Variants in MAGI1 observed in about 807,000 individuals in gnomAD.
MAGI1 encodes membrane-associated guanylate kinase, WW and PDZ domain-containing protein 1.
In MAGI1, 58 loss-of-function variants were observed where a neutral mutation model predicts 139.9. The observed-to-expected ratio is 0.41, with a 90% CI of 0.34 to 0.52. The LOEUF (loss-of-function observed/expected upper bound fraction) is 0.52, where lower values mean the gene tolerates loss of function less well. MAGI1 is among the 20% of genes least tolerant of loss of function. MAGI1 has a pLI of 0.12. For synonymous variants in MAGI1, 812 were observed against 737.9 expected (o/e 1.10, Z -1.63); for missense variants, 1,874 against 1,901.6 (o/e 0.99, Z 0.27).
At chr3:65,603,809 T>C (rs1183939799) in intron 2 of MAGI1, among the ~76,000 whole-genome samples, 2 of 152,194 alleles carry the variant, frequency 1.3e-5, no homozygotes, top group African/African-American at 4.8e-5. Context: ...GCCTGGTCTC[T>C]CCTTCCAAGA....
At chr3:65,480,379 A>T (rs1328005920) in intron 3 of MAGI1, among the ~76,000 whole-genome samples, 1 of 151,890 alleles carries the variant, frequency 6.6e-6, no homozygotes, top group East Asian at 2.0e-4. Context: ...AAAAATATAC[A>T]AAAATTAGCC....
At chr3:65,529,962 T>C (rs2078565309) in intron 2 of MAGI1, among the ~76,000 whole-genome samples, 1 of 152,180 alleles carries the variant, frequency 6.6e-6, no homozygotes, top group South Asian at 2.1e-4. Flanking sequence ...CCTTCACATT[T>C]GGAATGTCTT....
At chr3:65,631,529 C>T (rs1474065183) in intron 1 of MAGI1, among the ~76,000 whole-genome samples, 8 of 152,174 alleles carry the variant, frequency 5.3e-5, no homozygotes, top group Non-Finnish European at 1.2e-4. Flanking sequence ...TGAACAAAAT[C>T]TATCTGTGTA....
chr3:65,519,440 C>T (rs1336248733), intron 2 of MAGI1, among the ~76,000 whole-genome samples: 1 of 151,894 alleles, frequency 6.6e-6, no homozygotes, highest in Non-Finnish European at 1.5e-5. Context: ...GGCTAGAGTG[C>T]AGTGGTGCGA....
At chr3:65,974,128 A>T (rs2065139178) in intron 1 of MAGI1, among the ~76,000 whole-genome samples, 1 of 152,060 alleles carries the variant, frequency 6.6e-6, no homozygotes, top group African/African-American at 2.4e-5. Flanking sequence ...TAATACTATG[A>T]AAGTAACAAA....
chr3:65,355,488 GCA>G lies in MAGI1; in HGVS notation c.*888_*889del, dbSNP rs1438587722. ...GGATCTTACGTCTTCCTCACACCAGGCACACTGTCCCCCCATTCCATCTACTA... is the reference window on the plus strand; with the variant it reads ...GGATCTTACGTCTTCCTCACACCAGGCACTGTCCCCCCATTCCATCTACTA... On this transcript the variant is annotated 3_prime_UTR_variant, in exon 23 of 23. Transcript: ENST00000402939. The G allele has an allele frequency of 1.3e-5, 2 of 152,252 alleles. No individual in the cohort carries two copies. Among genetic ancestry groups the G allele is most frequent in the Non-Finnish European group, 2.9e-5 (2 of 68,060 alleles). The allele number at this position is 152,252 out of a possible 1,614,324, so 9.4% of individuals were successfully genotyped here. A position where few individuals can be genotyped will look rare whatever the true frequency, so the allele number is the denominator to read the frequency against.
rs542264663 is a variant in MAGI1 at position 65,925,889 on chromosome 3, G to A, written c.313+112107C>T. On this transcript the variant is annotated intron_variant, in intron 1 of 22. Transcript: ENST00000402939. ...GAGACAGTTTCACCATATTGCCCAG[G>A]CTGGTCTTGAACTCCTAGGTTAAAG... Among the ~76,000 whole-genome samples, 9 of 152,204 alleles carry A rather than the reference G, an allele frequency of 5.9e-5. 1 individual carries two copies. In the South Asian group the frequency reaches 1.7e-3, roughly 28 times the overall value.
intron 2 of MAGI1, among the ~76,000 whole-genome samples, chr3:65,578,745 C>T (rs1348723680): frequency 6.6e-6 from 1 of 152,084 alleles, no homozygotes; most frequent in Non-Finnish European, 1.5e-5. Flanking sequence ...TATGGTGAAA[C>T]CCCATCTCTA....
chr3:65,635,044 G>A (rs1213023280), intron 1 of MAGI1, among the ~76,000 whole-genome samples: 3 of 152,002 alleles, frequency 2.0e-5, no homozygotes, highest in African/African-American at 7.3e-5. Context: ...TTCAACACTA[G>A]CGTGGGTTTG....
intron 18 of MAGI1, chr3:65,365,234 A>G: frequency 1.7e-6 from 1 of 597,132 alleles, no homozygotes; most frequent in Non-Finnish European, 3.2e-6. Context: ...GCCAAGGTAT[A>G]TGTTTCTCAC....
chr3:65,534,767 C>T (rs1269689813), intron 2 of MAGI1, among the ~76,000 whole-genome samples: 1 of 152,186 alleles, frequency 6.6e-6, no homozygotes, highest in Non-Finnish European at 1.5e-5. Flanking sequence ...TGGCTGCCTC[C>T]AAATTCAATC....
chr3:65,627,238 C>G (rs1422294472), intron 1 of MAGI1, among the ~76,000 whole-genome samples: 1 of 152,120 alleles, frequency 6.6e-6, no homozygotes, highest in Non-Finnish European at 1.5e-5. Flanking sequence ...TACCATACAG[C>G]CTAGGTGTTT....
intron 1 of MAGI1, among the ~76,000 whole-genome samples, chr3:65,956,364 T>C (rs994963775): frequency 7.2e-5 from 11 of 152,012 alleles, no homozygotes; most frequent in Admixed American, 3.9e-4. Flanking sequence ...ACTATGTAGG[T>C]TTACATAGCC....
rs559042389 is a variant in MAGI1, at chr3:65,882,325, C to T, written c.313+155671G>A. On this transcript the variant is annotated intron_variant, in intron 1 of 22. Transcript: ENST00000402939. ...ACACAAAAGACAAAGCTGAAGAAAT[C>T]GCCTTAGGAAGGTAGGAAATCAAAA... Among the ~76,000 whole-genome samples the T allele has an allele frequency of 3.3e-5, 5 of 152,286 alleles. No homozygotes were observed. The East Asian group carries it at 9.7e-4, about 29-fold the overall frequency.
chr3:65,652,411 AGGG>A (rs2107320693), intron 1 of MAGI1, among the ~76,000 whole-genome samples: 1 of 152,274 alleles, frequency 6.6e-6, no homozygotes, highest in East Asian at 1.9e-4. Context: ...TGTTGGGAGA[AGGG>A]GGTCTTGCTC....
At chr3:65,809,583 A>C (rs561009806) in intron 1 of MAGI1, among the ~76,000 whole-genome samples, 1 of 152,150 alleles carries the variant, frequency 6.6e-6, no homozygotes, top group Non-Finnish European at 1.5e-5. Flanking sequence ...AATCCTGAAC[A>C]ATCAAAAAAC....
At chr3:65,702,162 T>G (rs1359563354) in intron 1 of MAGI1, among the ~76,000 whole-genome samples, 3 of 152,132 alleles carry the variant, frequency 2.0e-5, no homozygotes, top group Non-Finnish European at 2.9e-5. Flanking sequence ...TCCCCCATAA[T>G]AGCAGCATTA....
At chr3:65,687,945 G>A in intron 1 of MAGI1, 4 of 710,942 alleles carry the variant, frequency 5.6e-6, no homozygotes, top group South Asian at 5.4e-5. Flanking sequence ...CAAGGAAAAT[G>A]GCTCTCAGTT....
Position 65,476,622 on chromosome 3 carries a change from G to A in MAGI1, c.757+1970C>T, listed in dbSNP as rs953886486. 3.3e-5 allele frequency among the ~76,000 whole-genome samples: 5 copies of A among 152,098 alleles called. No individual in the cohort carries two copies. The South Asian group carries it at 1.0e-3, about 32-fold the overall frequency. On this transcript the variant is annotated intron_variant, in intron 4 of 22. Transcript: ENST00000402939. ...ATTTAATAAATAGAGGACAAATACA[G>A]GCACACAAGCTTCTTGGGGACCACC...
Sources: allele counts gnomAD v4.1 joint callset (sites outside exome capture counted in the v4.1 genomes callset), GRCh38; gene constraint gnomAD v4.1.1; transcripts MANE v1.5; gene names NCBI Gene and HGNC (gene_info 2026-07-23, HGNC 2026-07-21).